EXOC6B: variants seen among roughly 807,000 people sequenced by gnomAD.
The protein encoded by EXOC6B is SEC15 homolog B.
Under a neutral mutation model 113.5 loss-of-function variants are expected in EXOC6B, and 54 were observed. The observed-to-expected ratio is 0.48, with a 90% confidence interval of 0.38 to 0.60. The LOEUF (loss-of-function observed/expected upper bound fraction) is 0.60, where lower values mean the gene tolerates loss of function less well. EXOC6B is among the 20% of genes least tolerant of loss of function. The probability of loss-of-function intolerance (pLI) is 0.00; values close to 1 mark genes in which losing one functional copy is unlikely to be tolerated. For synonymous variants in EXOC6B, 357 were observed against 339.0 expected (o/e 1.05, Z -0.58); for missense variants, 797 against 977.5 (o/e 0.82, Z 2.46).
intron 20 of EXOC6B, among the ~76,000 whole-genome samples, chr2:72,264,680 A>G (rs1683941271): frequency 6.6e-6 from 1 of 152,020 alleles, no homozygotes; most frequent in African/African-American, 2.4e-5. Context: ...GGGTGGGGCC[A>G]GGTGGAGGTA....
chr2:72,637,784 T>C (rs994834849), intron 6 of EXOC6B, among the ~76,000 whole-genome samples: 2 of 146,982 alleles, frequency 1.4e-5, no homozygotes, highest in African/African-American at 5.2e-5. Flanking sequence ...AGCAAGACTC[T>C]GTCTCAAAAA....
intron 18 of EXOC6B, among the ~76,000 whole-genome samples, chr2:72,413,719 G>A (rs1357179525): frequency 6.6e-6 from 1 of 151,842 alleles, no homozygotes; most frequent in Non-Finnish European, 1.5e-5. Context: ...GAAAAGATGG[G>A]GCCTCTCTAT....
chr2:72,653,430 T>G (rs1472326423), intron 6 of EXOC6B, among the ~76,000 whole-genome samples: 1 of 130,082 alleles, frequency 7.7e-6, no homozygotes, highest in Non-Finnish European at 1.6e-5. Context: ...GGGGGAGGGA[T>G]AGCATTAGGA....
intron 8 of EXOC6B, among the ~76,000 whole-genome samples, chr2:72,543,289 T>G (rs1184178750): frequency 6.6e-6 from 1 of 152,180 alleles, no homozygotes; most frequent in Non-Finnish European, 1.5e-5. Flanking sequence ...AACAAATATT[T>G]TAAGCACTGT....
intron 8 of EXOC6B, among the ~76,000 whole-genome samples, chr2:72,536,920 A>C (rs1225306857): frequency 6.6e-6 from 1 of 152,250 alleles, no homozygotes; most frequent in African/African-American, 2.4e-5. Context: ...ATCTATGAAG[A>C]GTTAGCACTC....
At chr2:72,401,543 A>G (rs71337703) in intron 18 of EXOC6B, among the ~76,000 whole-genome samples, 203 of 12,706 alleles carry the variant, frequency 0.016, 18 homozygotes, top group South Asian at 0.023. Flanking sequence ...ATATATATAT[A>G]TGTGTATATA....
intron 6 of EXOC6B, among the ~76,000 whole-genome samples, chr2:72,690,207 A>T (rs570711148): frequency 6.6e-6 from 1 of 152,364 alleles, no homozygotes; most frequent in African/African-American, 2.4e-5. Flanking sequence ...TCTTGGGTAC[A>T]TGATAACTAA....
intron 6 of EXOC6B, among the ~76,000 whole-genome samples, chr2:72,633,116 C>T (rs113350963): frequency 0.01 from 1,524 of 152,242 alleles, 45 homozygotes; most frequent in African/African-American, 0.035. Flanking sequence ...ACTCTTTTTA[C>T]CACTCATTGC....
intron 16 of EXOC6B, among the ~76,000 whole-genome samples, chr2:72,491,380 T>C (rs1699735864): frequency 6.6e-6 from 1 of 152,008 alleles, no homozygotes; most frequent in Non-Finnish European, 1.5e-5. Context: ...TACCTATAGG[T>C]CAGTATCATT....
intron 8 of EXOC6B, among the ~76,000 whole-genome samples, chr2:72,555,101 C>T (rs184268673): frequency 6.6e-6 from 1 of 152,330 alleles, no homozygotes; most frequent in African/African-American, 2.4e-5. Context: ...TTTTTTATGG[C>T]TGCATAGTAT....
intron 6 of EXOC6B, among the ~76,000 whole-genome samples, chr2:72,671,625 G>C (rs1295353045): frequency 1.3e-5 from 2 of 151,956 alleles, no homozygotes; most frequent in African/African-American, 2.4e-5. Context: ...TTGAACCCGG[G>C]AGGTGGAGGT....
intron 21 of EXOC6B, among the ~76,000 whole-genome samples, chr2:72,183,587 G>C (rs1468038494): frequency 6.6e-6 from 1 of 152,124 alleles, no homozygotes; most frequent in Non-Finnish European, 1.5e-5. Flanking sequence ...CTGGCAGGGG[G>C]TGGGAGCTGG....
intron 21 of EXOC6B, chr2:72,182,807 T>A: frequency 1.1e-6 from 1 of 950,772 alleles, no homozygotes; most frequent in Non-Finnish European, 1.4e-6. Context: ...AGGCTAGGGA[T>A]TTTAGTGTAG....
intron 6 of EXOC6B, among the ~76,000 whole-genome samples, chr2:72,699,091 A>G (rs1251322166): frequency 6.6e-6 from 1 of 152,220 alleles, no homozygotes; most frequent in Non-Finnish European, 1.5e-5. Flanking sequence ...ACATTCTCAA[A>G]AAGTTTACAT....
At chr2:72,606,674 A>T (rs1167018028) in intron 6 of EXOC6B, among the ~76,000 whole-genome samples, 1 of 147,900 alleles carries the variant, frequency 6.8e-6, no homozygotes, top group East Asian at 2.0e-4. Context: ...TGTCTCCCAG[A>T]CTGGAGTGCA....
At chr2:72,432,875 TGTTA>T (rs1457978592) in intron 18 of EXOC6B, among the ~76,000 whole-genome samples, 1 of 152,208 alleles carries the variant, frequency 6.6e-6, no homozygotes, top group Non-Finnish European at 1.5e-5. Context: ...TTCACTCTGA[TGTTA>T]GTTTCTTTTG....
At chr2:72,194,006 T>C (rs993459396) in intron 20 of EXOC6B, among the ~76,000 whole-genome samples, 3 of 152,210 alleles carry the variant, frequency 2.0e-5, no homozygotes, top group Non-Finnish European at 4.4e-5. Flanking sequence ...ACAGAGACCA[T>C]ATGACATGGG....
chr2:72,632,209 G>A (rs1215096592), intron 6 of EXOC6B, among the ~76,000 whole-genome samples: 1 of 152,100 alleles, frequency 6.6e-6, no homozygotes, highest in African/African-American at 2.4e-5. Flanking sequence ...GGATAAACAT[G>A]TGTTAAAACA....
chr2:72,519,487 G>T (rs372772731), intron 8 of EXOC6B, among the ~76,000 whole-genome samples: 1 of 152,078 alleles, frequency 6.6e-6, no homozygotes, highest in Non-Finnish European at 1.5e-5. Flanking sequence ...AGTGCTGTTC[G>T]CTATGAGTTC....
Sources: gnomAD v4.1 joint callset for allele counts (sites outside exome capture counted in the v4.1 genomes callset) on GRCh38, gnomAD v4.1.1 for gene constraint, MANE v1.5 for transcripts, NCBI Gene and HGNC (gene_info 2026-07-23, HGNC 2026-07-21) for gene names.